Variants in NOX4 observed in about 807,000 individuals in gnomAD.
NOX4 encodes kidney oxidase-1.
In NOX4, 69 loss-of-function variants were observed where a neutral mutation model predicts 87.6. The ratio of observed to expected loss-of-function variants is 0.79; its 90% CI spans 0.65 to 0.96. The LOEUF is 0.96. Among genes scored for constraint, NOX4 ranks in the 40% least tolerant of loss-of-function variants. The probability of loss-of-function intolerance (pLI) is 0.00; values close to 1 mark genes in which losing one functional copy is unlikely to be tolerated. For synonymous variants in NOX4, 275 were observed against 238.2 expected, an observed-to-expected ratio of 1.15 and a Z score of -1.42; for missense variants, 680 against 681.5, an observed-to-expected ratio of 1.00 and a Z score of 0.02.
chr11:89,509,394 C>A, the NOX4 span, among the ~76,000 whole-genome samples: 3 of 152,106 alleles, frequency 2.0e-5, no homozygotes, highest in Non-Finnish European at 4.4e-5. Flanking sequence ...GCTCTAATTG[C>A]CATTTATAAT....
At chr11:89,431,264 C>A (rs1943765494) in intron 7 of NOX4, among the ~76,000 whole-genome samples, 2 of 152,106 alleles carry the variant, frequency 1.3e-5, no homozygotes, top group Non-Finnish European at 1.5e-5. Context: ...AGAAGAAAAC[C>A]TAGGCAATAC....
intron 8 of NOX4, among the ~76,000 whole-genome samples, chr11:89,402,886 A>C (rs1265313051): frequency 6.6e-6 from 1 of 152,180 alleles, no homozygotes; most frequent in Non-Finnish European, 1.5e-5. Flanking sequence ...ACAAGTTTTC[A>C]CTTCAATAAA....
intron 12 of NOX4, among the ~76,000 whole-genome samples, chr11:89,356,384 T>C (rs545031623): frequency 7.9e-6 from 1 of 127,306 alleles, no homozygotes; most frequent in African/African-American, 3.0e-5. Context: ...GAATTCATAA[T>C]GAAGAAAAGA....
the NOX4 span, chr11:89,556,937 GT>G: frequency 9.9e-5 from 15 of 152,256 alleles, no homozygotes; most frequent in African/African-American, 3.6e-4. Context: ...TATGCATGAT[GT>G]TTTAATGAAA....
intron 8 of NOX4, among the ~76,000 whole-genome samples, chr11:89,415,427 G>A (rs1171215449): frequency 6.6e-6 from 1 of 152,010 alleles, no homozygotes; most frequent in Non-Finnish European, 1.5e-5. Context: ...TATAAAATGT[G>A]TCAATGTGAT....
rs1173943440 is a variant in NOX4, at chr11:89,399,456, T to C, written c.1074+561A>G. On this transcript the variant is annotated intron_variant, in intron 11 of 17. Transcript: ENST00000263317. ...AAATATATATATATATATATATATA[T>C]ATATATATATATATATTTGTTTTTT... is the stretch of plus-strand genomic sequence containing the variant. Among the ~76,000 whole-genome samples, 576 of 140,642 alleles carry C rather than the reference T, an allele frequency of 4.1e-3. 16 individuals are homozygous for C. Among genetic ancestry groups the C allele is most frequent in the African/African-American group, 0.014 (555 of 38,550 alleles). The allele number at this position is 140,642 out of a possible 152,430, so 92.3% of individuals were successfully genotyped here.
intron 8 of NOX4, among the ~76,000 whole-genome samples, chr11:89,418,433 A>G (rs1450838489): frequency 8.9e-6 from 1 of 112,252 alleles, no homozygotes; most frequent in Non-Finnish European, 1.8e-5. Flanking sequence ...AATAATAATA[A>G]TAATAATAAT....
chr11:89,381,087 T>G (rs1399789545), intron 11 of NOX4, among the ~76,000 whole-genome samples: 2 of 152,158 alleles, frequency 1.3e-5, no homozygotes, highest in African/African-American at 4.8e-5. Flanking sequence ...AAACTATTCC[T>G]GGAAAAACTC....
chr11:89,347,535 G>T (rs974858264), intron 13 of NOX4, among the ~76,000 whole-genome samples: 43 of 152,250 alleles, frequency 2.8e-4, no homozygotes, highest in African/African-American at 1.0e-3. Context: ...TAGAAGGAAG[G>T]TATCTCCATT....
intron 8 of NOX4, among the ~76,000 whole-genome samples, chr11:89,404,833 T>A (rs1365549346): frequency 6.6e-6 from 1 of 152,072 alleles, no homozygotes; most frequent in African/African-American, 2.4e-5. Context: ...TATCAGTAAT[T>A]TTTAGAACAT....
exon 1 of NOX4, chr11:89,498,086 C>T (rs1946978341): frequency 6.6e-6 from 1 of 152,134 alleles, no homozygotes; most frequent in Admixed American, 6.6e-5. Context: ...CATCAGGAAC[C>T]TCTTCTTTGC....
chr11:89,562,998 GCT>G, the NOX4 span, among the ~76,000 whole-genome samples: 1 of 152,120 alleles, frequency 6.6e-6, no homozygotes, highest in African/African-American at 2.4e-5. Context: ...CTCCGCTCAC[GCT>G]CTTTCTGTCT....
At chr11:89,580,110 G>T in the NOX4 span, among the ~76,000 whole-genome samples, 6 of 152,256 alleles carry the variant, frequency 3.9e-5, no homozygotes, top group Non-Finnish European at 7.4e-5. Context: ...TGAGTAAGTT[G>T]TATCATGTAT....
chr11:89,425,495 G>T (rs181465726), intron 7 of NOX4, among the ~76,000 whole-genome samples: 1 of 151,092 alleles, frequency 6.6e-6, no homozygotes, highest in Non-Finnish European at 1.5e-5. Flanking sequence ...CCTATATTGC[G>T]ATGTGCTGTG....
intron 4 of NOX4, among the ~76,000 whole-genome samples, chr11:89,444,619 C>T (rs554912400): frequency 6.6e-6 from 1 of 152,030 alleles, no homozygotes; most frequent in South Asian, 2.1e-4. Context: ...AGGTATTCCA[C>T]ATCTTTCACC....
chr11:89,573,181 C>T, the NOX4 span, among the ~76,000 whole-genome samples: 3 of 151,974 alleles, frequency 2.0e-5, no homozygotes, highest in African/African-American at 4.8e-5. Flanking sequence ...TTTTTGCAGT[C>T]GGTATTCATT....
Position 89,325,414 on chromosome 11 carries a change from G to A in NOX4, c.*1342C>T, listed in dbSNP as rs1945185508. Reference sequence around the variant, plus strand: ...GGGATTACAGGCGTGAGCCATGAATGCCTTAATTCTTAAGATAGTAATGGG... The same window carrying A: ...GGGATTACAGGCGTGAGCCATGAATACCTTAATTCTTAAGATAGTAATGGG... On this transcript the variant is annotated 3_prime_UTR_variant, in exon 18 of 18. Transcript: ENST00000263317. 6.6e-6 allele frequency: 1 copy of A among 151,972 alleles called. No individual in the cohort carries two copies. The highest frequency in any genetic ancestry group is 1.5e-5 in the Non-Finnish European group (1 of 68,004). 9.4% of individuals were successfully genotyped at this position (151,972 alleles called of 1,614,324 possible).
chr11:89,346,920 C>T (rs575771233), intron 13 of NOX4, among the ~76,000 whole-genome samples: 6 of 152,288 alleles, frequency 3.9e-5, no homozygotes, highest in Non-Finnish European at 5.9e-5. Flanking sequence ...GATAGACCAG[C>T]GTCCTTCAGA....
chr11:89,547,168 C>T, the NOX4 span, among the ~76,000 whole-genome samples: 84 of 152,166 alleles, frequency 5.5e-4, no homozygotes, highest in African/African-American at 1.9e-3. Flanking sequence ...ACTGACTATA[C>T]CAAATTACTT....
Sources: allele counts gnomAD v4.1 joint callset (sites outside exome capture counted in the v4.1 genomes callset), GRCh38; gene constraint gnomAD v4.1.1; transcripts MANE v1.5; gene names NCBI Gene and HGNC (gene_info 2026-07-23, HGNC 2026-07-21).